CNTNAP2: variants seen among roughly 807,000 people sequenced by gnomAD.
CNTNAP2 encodes the protein contactin associated protein 2, also known as contactin-associated protein-like 2.
In CNTNAP2, 98 loss-of-function variants were observed where a neutral mutation model predicts 155.2. The ratio of observed to expected loss-of-function variants is 0.63; its 90% CI spans 0.54 to 0.75. The LOEUF (loss-of-function observed/expected upper bound fraction) is 0.75, where lower values mean the gene tolerates loss of function less well. Among genes scored for constraint, CNTNAP2 ranks in the 30% least tolerant of loss-of-function variants. CNTNAP2 has a pLI of 0.00. For missense variants in CNTNAP2, 1,727 were observed against 1,688.1 expected (o/e 1.02, Z -0.40); for synonymous variants, 651 against 631.2 (o/e 1.03, Z -0.47).
At chr7:148,116,407 C>G (rs949261830) in intron 15 of CNTNAP2, among the ~76,000 whole-genome samples, 15 of 152,172 alleles carry the variant, frequency 9.9e-5, no homozygotes, top group African/African-American at 3.4e-4. Flanking sequence ...TAACCTCTAA[C>G]TAAAGACTTT....
chr7:146,542,290 C>T (rs1299384960), intron 1 of CNTNAP2, among the ~76,000 whole-genome samples: 1 of 151,842 alleles, frequency 6.6e-6, no homozygotes, highest in Non-Finnish European at 1.5e-5. Context: ...GAAACAGAAA[C>T]CACAATTTAT....
intron 21 of CNTNAP2, among the ~76,000 whole-genome samples, chr7:148,363,197 G>A (rs1337227388): frequency 6.6e-6 from 1 of 152,160 alleles, no homozygotes; most frequent in Non-Finnish European, 1.5e-5. Flanking sequence ...TGGCCTGGCT[G>A]GTCTCAAACT....
intron 13 of CNTNAP2, among the ~76,000 whole-genome samples, chr7:147,757,527 T>A (rs10265547): frequency 6.6e-6 from 1 of 151,928 alleles, no homozygotes; most frequent in African/African-American, 2.4e-5. Flanking sequence ...GCTTGACTTG[T>A]ACCTTAATTT....
chr7:147,360,378 G>A lies in CNTNAP2; in HGVS notation c.1499-35231G>A, dbSNP rs112779468. Reference sequence around the variant, plus strand: ...GTAATCTTAATCTTTTATTTATCCCGTGTCTCCTGTGATTCATATATTTGA... The same window carrying A: ...GTAATCTTAATCTTTTATTTATCCCATGTCTCCTGTGATTCATATATTTGA... On this transcript the variant is annotated intron_variant, in intron 9 of 23. Coordinates refer to ENST00000361727, the MANE Select transcript of CNTNAP2 (RefSeq NM_014141.6). Among the ~76,000 whole-genome samples the A allele has an allele frequency of 1.2e-3, 189 of 151,852 alleles. 1 individual carries two copies. The highest frequency in any genetic ancestry group is 4.3e-3 in the African/African-American group (177 of 41,414).
chr7:146,187,334 G>A (rs1170231110), intron 1 of CNTNAP2, among the ~76,000 whole-genome samples: 2 of 152,136 alleles, frequency 1.3e-5, no homozygotes. Flanking sequence ...CACACTGTTG[G>A]CAGGCCTGAT....
rs114502809 is a variant in CNTNAP2, at chr7:146,500,802, T to C, written c.98-273469T>C. ...ACAGATATTTATGTGTTGTTCCTAA[T>C]CTTCAAAGAATGCATTTCATTTTTC... is the stretch of plus-strand genomic sequence containing the variant. On this transcript the variant is annotated intron_variant, in intron 1 of 23. Transcript: ENST00000361727. Among the ~76,000 whole-genome samples, 753 of 152,318 alleles carry C rather than the reference T, an allele frequency of 4.9e-3. 4 individuals are homozygous for C. The highest frequency in any genetic ancestry group is 0.017 in the African/African-American group (703 of 41,580).
intron 1 of CNTNAP2, among the ~76,000 whole-genome samples, chr7:146,302,971 G>A (rs1800637622): frequency 1.3e-5 from 2 of 152,066 alleles, no homozygotes; most frequent in South Asian, 2.1e-4. Context: ...GCTTTTGGCT[G>A]GTAGAAACAG....
intron 13 of CNTNAP2, among the ~76,000 whole-genome samples, chr7:147,858,286 C>G (rs1477143105): frequency 1.3e-5 from 2 of 152,056 alleles, no homozygotes; most frequent in Non-Finnish European, 2.9e-5. Flanking sequence ...AGGGTTTCAT[C>G]ATACTGGCCA....
chr7:148,322,604 T>C (rs1797813109), intron 21 of CNTNAP2, among the ~76,000 whole-genome samples: 1 of 124,526 alleles, frequency 8.0e-6, no homozygotes, highest in South Asian at 2.4e-4. Flanking sequence ...GTTTTGTCTG[T>C]GATCAAGGAG....
intron 1 of CNTNAP2, among the ~76,000 whole-genome samples, chr7:146,693,620 T>C (rs887858259): frequency 6.6e-6 from 1 of 152,094 alleles, no homozygotes; most frequent in Non-Finnish European, 1.5e-5. Context: ...CTGGGTTCTG[T>C]TTCCTCATCT....
intron 16 of CNTNAP2, among the ~76,000 whole-genome samples, chr7:148,129,091 C>A (rs1041710928): frequency 1.3e-5 from 2 of 152,132 alleles, no homozygotes; most frequent in African/African-American, 4.8e-5. Context: ...CAGTCACACC[C>A]AAAGAGATGG....
chr7:147,468,867 G>C (rs999692409), intron 10 of CNTNAP2, among the ~76,000 whole-genome samples: 1 of 149,410 alleles, frequency 6.7e-6, no homozygotes, highest in African/African-American at 2.5e-5. Flanking sequence ...CCCAGACAGA[G>C]TGTCACTCTT....
At chr7:147,840,115 T>C (rs753655826) in intron 13 of CNTNAP2, among the ~76,000 whole-genome samples, 2 of 151,988 alleles carry the variant, frequency 1.3e-5, no homozygotes, top group Non-Finnish European at 2.9e-5. Context: ...AGCTAAATGA[T>C]GTGCACATAT....
chr7:146,924,032 T>C (rs757051768), intron 3 of CNTNAP2, among the ~76,000 whole-genome samples: 1 of 152,058 alleles, frequency 6.6e-6, no homozygotes, highest in Non-Finnish European at 1.5e-5. Context: ...TCTTAAAGTA[T>C]ATGTTTTTTT....
In CNTNAP2 at chr7:147,210,880, T is replaced by C. The variant is rs143864824; in HGVS notation, c.1348+78371T>C. Among the ~76,000 whole-genome samples the C allele has an allele frequency of 3.6e-4, 55 of 152,094 alleles. 1 individual carries two copies. Among genetic ancestry groups the C allele is most frequent in the African/African-American group, 1.3e-3 (54 of 41,546 alleles). Reference sequence around the variant, plus strand: ...ATTTAATTTCCATGTAATCATGTAGTTTTGAGGGATTTTCTTTGTATTGAT... The same window carrying C: ...ATTTAATTTCCATGTAATCATGTAGCTTTGAGGGATTTTCTTTGTATTGAT... On this transcript the variant is annotated intron_variant, in intron 8 of 23. Transcript: ENST00000361727.
intron 13 of CNTNAP2, among the ~76,000 whole-genome samples, chr7:147,761,311 T>C (rs1169240060): frequency 6.6e-6 from 1 of 152,230 alleles, no homozygotes; most frequent in Admixed American, 6.5e-5. Flanking sequence ...GATTTTCTGT[T>C]CCAGGTACAT....
chr7:146,372,085 A>G (rs144391476), intron 1 of CNTNAP2, among the ~76,000 whole-genome samples: 40 of 152,330 alleles, frequency 2.6e-4, no homozygotes, highest in African/African-American at 9.6e-4. Context: ...TAGGACAATG[A>G]AGAGGATATT....
chr7:146,900,143 T>C (rs1224574708), intron 3 of CNTNAP2, among the ~76,000 whole-genome samples: 1 of 152,162 alleles, frequency 6.6e-6, no homozygotes, highest in Non-Finnish European at 1.5e-5. Context: ...CTAAACAGTA[T>C]CTCAAAACTA....
chr7:146,701,552 G>C (rs940958786), intron 1 of CNTNAP2, among the ~76,000 whole-genome samples: 1 of 152,006 alleles, frequency 6.6e-6, no homozygotes, highest in Non-Finnish European at 1.5e-5. Context: ...ATAGACAGGG[G>C]TATTATTTAG....
Sources: allele counts gnomAD v4.1 joint callset (sites outside exome capture counted in the v4.1 genomes callset), GRCh38; gene constraint gnomAD v4.1.1; transcripts MANE v1.5; gene names NCBI Gene and HGNC (gene_info 2026-07-23, HGNC 2026-07-21).